Variants in NDUFA10 observed in about 807,000 individuals in gnomAD.
NDUFA10 encodes NADH:ubiquinone oxidoreductase subunit A10.
A neutral mutation model predicts 47.8 loss-of-function variants in NDUFA10; 40 were observed. The observed-to-expected ratio is 0.84, with a 90% CI of 0.65 to 1.09. NDUFA10 has a LOEUF of 1.09. Among genes scored for constraint, NDUFA10 ranks in the 50% least tolerant of loss-of-function variants. NDUFA10 has a pLI of 0.00. For synonymous variants in NDUFA10, 183 were observed against 172.2 expected, an observed-to-expected ratio of 1.06 and a Z score of -0.49; for missense variants, 413 against 451.1, an observed-to-expected ratio of 0.92 and a Z score of 0.76.
intron 8 of NDUFA10, 38 bp from the exon 9 acceptor site, chr2:239,990,220 C>A: frequency 1.3e-6 from 2 of 1,486,522 alleles, no homozygotes; most frequent in Non-Finnish European, 9.4e-7. Flanking sequence ...ACCAAACCAT[C>A]AAAATAAATA....
intron 8 of NDUFA10, among the ~76,000 whole-genome samples, chr2:239,999,995 G>A (rs1004367392): frequency 5.9e-5 from 9 of 152,320 alleles, no homozygotes; most frequent in Admixed American, 2.0e-4. Flanking sequence ...GTGGCTCAGC[G>A]CATGACTCCC....
chr2:239,949,028 T>C (rs1694504380), intron 4 of NDUFA10, among the ~76,000 whole-genome samples: 1 of 152,204 alleles, frequency 6.6e-6, no homozygotes, highest in Non-Finnish European at 1.5e-5. Flanking sequence ...CCAAGCTTCC[T>C]GCCTTGCAGG....
At chr2:239,977,677 A>C (rs1466145698) in intron 9 of NDUFA10, among the ~76,000 whole-genome samples, 1 of 152,220 alleles carries the variant, frequency 6.6e-6, no homozygotes, top group Non-Finnish European at 1.5e-5. Flanking sequence ...TGCTGCTTTC[A>C]CGCTAGGAGA....
intron 8 of NDUFA10, among the ~76,000 whole-genome samples, chr2:239,998,127 G>A (rs114810020): frequency 1.1e-3 from 165 of 152,310 alleles, no homozygotes; most frequent in African/African-American, 3.8e-3. Flanking sequence ...TGGCAGAAGC[G>A]CAGGTGATTT....
intron 9 of NDUFA10, chr2:239,983,697 A>G: frequency 6.4e-7 from 1 of 1,572,450 alleles, no homozygotes; most frequent in Non-Finnish European, 8.6e-7. Flanking sequence ...CCTCCCCAAA[A>G]CACACAGTCC....
At position 239,960,417 on chromosome 2, in the gene NDUFA10, C is replaced by T; in HGVS notation, c.*701G>A. On this transcript the variant is annotated 3_prime_UTR_variant, in exon 10 of 10. Coordinates refer to ENST00000252711, the MANE Select transcript of NDUFA10 (RefSeq NM_004544.4). ...TTGCTTTTGCATCTTATGTCATCAA[C>T]AGCCTAAGCTCAAATCTCCCTTCAA... 1.0e-6 allele frequency: 1 copy of T among 986,512 alleles called. No individual in the cohort carries two copies. The allele number at this position is 986,512 out of a possible 1,614,324, so 61.1% of individuals were successfully genotyped here. A position where few individuals can be genotyped will look rare whatever the true frequency, so the allele number is the denominator to read the frequency against.
intron 4 of NDUFA10, among the ~76,000 whole-genome samples, chr2:239,910,190 T>C (rs893103269): frequency 6.6e-6 from 1 of 152,160 alleles, no homozygotes; most frequent in Non-Finnish European, 1.5e-5. Context: ...AGAAATACCA[T>C]TTGACCCAGC....
intron 8 of NDUFA10, among the ~76,000 whole-genome samples, chr2:239,993,191 G>A (rs1338801483): frequency 6.6e-6 from 1 of 152,170 alleles, no homozygotes; most frequent in Admixed American, 6.5e-5. Flanking sequence ...CATGAATGGT[G>A]CAGAATCGAA....
At chr2:239,893,155 C>T (rs948310784) in intron 5 of NDUFA10, among the ~76,000 whole-genome samples, 1 of 152,196 alleles carries the variant, frequency 6.6e-6, no homozygotes, top group Non-Finnish European at 1.5e-5. Flanking sequence ...ACCAGGCAAA[C>T]CCAAAAGGAA....
chr2:239,916,239 GAC>G (rs1445448769), intron 4 of NDUFA10, among the ~76,000 whole-genome samples: 3 of 138,054 alleles, frequency 2.2e-5, no homozygotes, highest in East Asian at 2.2e-4. Flanking sequence ...CACACAGACA[GAC>G]ACACAGAGAT....
At position 239,959,994 on chromosome 2, in the gene NDUFA10, G is replaced by A. The variant is rs754187471; in HGVS notation, c.*1124C>T. On this transcript the variant is annotated 3_prime_UTR_variant, in exon 10 of 10. Coordinates refer to ENST00000252711, the MANE Select transcript of NDUFA10 (RefSeq NM_004544.4). The stretch of plus-strand genomic sequence containing the variant: ...AGCACTGGAACTACTGCCCACAGGC[G>A]GCTGTGGAGTGCCTGAACTATGGCC... The A allele has an allele frequency of 9.4e-5, 93 of 985,130 alleles. No homozygotes were observed. The highest frequency in any genetic ancestry group is 7.8e-4 in the African/African-American group (45 of 57,362). 61.0% of individuals were successfully genotyped at this position (985,130 alleles called of 1,614,324 possible).
At chr2:239,953,322 G>A (rs1178368675), downstream of NDUFA10, among the ~76,000 whole-genome samples, 1 of 152,210 alleles carries the variant, frequency 6.6e-6, no homozygotes, top group Non-Finnish European at 1.5e-5. Flanking sequence ...GGAAGGCCAG[G>A]AGCCTGCAGG....
intron 1 of NDUFA10, 91 bp downstream of exon 1, chr2:240,025,135 GC>G (rs940960444): frequency 8.4e-7 from 1 of 1,187,574 alleles, no homozygotes; most frequent in Non-Finnish European, 1.1e-6. Context: ...GGGAGCCGCC[GC>G]CAGAGGCCGG....
intron 4 of NDUFA10, among the ~76,000 whole-genome samples, chr2:239,921,638 C>T (rs1017592248): frequency 2.2e-5 from 3 of 134,248 alleles, no homozygotes; most frequent in Non-Finnish European, 3.4e-5. Context: ...CTGATTGGTG[C>T]ATTTTACAAA....
chr2:239,893,373 A>G (rs1251651955), intron 5 of NDUFA10, among the ~76,000 whole-genome samples: 2 of 152,246 alleles, frequency 1.3e-5, no homozygotes, highest in Non-Finnish European at 2.9e-5. Context: ...CCAATACGGC[A>G]GCCCTGCCAT....
intron 5 of NDUFA10, chr2:240,011,907 T>C (rs1452316187): frequency 5.0e-6 from 3 of 602,896 alleles, no homozygotes; most frequent in Non-Finnish European, 6.0e-6. Context: ...CCTGCCCAAG[T>C]GCTCCCATAG....
intron 8 of NDUFA10, among the ~76,000 whole-genome samples, chr2:239,999,281 C>A (rs1255949797): frequency 6.6e-6 from 1 of 152,208 alleles, no homozygotes; most frequent in Non-Finnish European, 1.5e-5. Flanking sequence ...ACGGTGAATG[C>A]CGACCGTCCT....
At chr2:239,902,199 C>T (rs1020775310) in intron 4 of NDUFA10, among the ~76,000 whole-genome samples, 7 of 152,078 alleles carry the variant, frequency 4.6e-5, no homozygotes, top group Admixed American at 4.6e-4. Context: ...GAATCTCAAG[C>T]AACAGAAATC....
At chr2:240,018,514 C>G (rs1479330256) in intron 4 of NDUFA10, 39 bp downstream of exon 4, 5 of 1,614,206 alleles carry the variant, frequency 3.1e-6, no homozygotes, top group Non-Finnish European at 4.2e-6. Context: ...TGCAAAGTCG[C>G]ACCACACACC....
Sources: gnomAD v4.1 joint callset for allele counts (sites outside exome capture counted in the v4.1 genomes callset) on GRCh38, gnomAD v4.1.1 for gene constraint, MANE v1.5 for transcripts, NCBI Gene and HGNC (gene_info 2026-07-23, HGNC 2026-07-21) for gene names.